The following WFDC13 variants were observed in gnomAD, a reference collection of about 807,000 sequenced individuals.
The protein encoded by WFDC13 is WAP four-disulfide core domain 13.
Under a neutral mutation model 10.9 loss-of-function variants are expected in WFDC13, and 6 were observed. The ratio of observed to expected loss-of-function variants is 0.55; its 90% confidence interval spans 0.30 to 1.09. WFDC13 has a LOEUF of 1.09. Among genes scored for constraint, WFDC13 ranks in the 50% least tolerant of loss-of-function variants. The pLI is 0.06. For missense variants in WFDC13, 104 were observed against 109.6 expected (o/e 0.95, Z 0.23); for synonymous variants, 38 against 39.5 (o/e 0.96, Z 0.14).
chr20:45,706,901 C>T (rs930379919), intron 3 of WFDC13, among the ~76,000 whole-genome samples: 6 of 152,314 alleles, frequency 3.9e-5, no homozygotes, highest in African/African-American at 1.2e-4. Context: ...TGGTGGATTT[C>T]GTTTCAGAGT....
At position 45,704,370 on chromosome 20, in the gene WFDC13, C is replaced by T. The variant is rs1035705697; in HGVS notation, c.89-74C>T. The T allele has an allele frequency of 8.5e-6, 13 of 1,535,680 alleles. No individual in the cohort carries two copies. In the Admixed American group the frequency reaches 2.6e-4, roughly 31 times the overall value. ...AGGGTGGCAGGTTTCCTGGCAGTTC[C>T]CTGGGCTTTCTGAGTTCTGAACATT... On this transcript the variant is annotated intron_variant, in intron 1 of 3. Transcript: ENST00000305479.
intron 2 of WFDC13, chr20:45,705,185 T>C: frequency 3.5e-6 from 2 of 574,062 alleles, no homozygotes; most frequent in Non-Finnish European, 6.2e-6. Flanking sequence ...TGACCTTGAG[T>C]AAGACAATTC....
chr20:45,705,987 C>T (rs1984375263), intron 3 of WFDC13, 60 bp downstream of exon 3: 17 of 1,448,322 alleles, frequency 1.2e-5, no homozygotes, highest in Non-Finnish European at 1.5e-5. Context: ...TGCTCACTTT[C>T]TTCCTGTAGC....
chr20:45,704,064 C>G (rs1002938814), intron 1 of WFDC13, among the ~76,000 whole-genome samples: 3 of 152,210 alleles, frequency 2.0e-5, no homozygotes, highest in Non-Finnish European at 4.4e-5. Context: ...CTACAACTTG[C>G]TCAAGACCAC....
intron 1 of WFDC13, 61 bp from the exon 2 acceptor site, chr20:45,704,383 A>G: frequency 6.5e-7 from 1 of 1,546,072 alleles, no homozygotes; most frequent in Non-Finnish European, 8.7e-7. Context: ...GGGCTTTCTG[A>G]GTTCTGAACA....
intron 2 of WFDC13, chr20:45,704,954 C>G: frequency 1.2e-6 from 2 of 1,614,142 alleles, no homozygotes; most frequent in Non-Finnish European, 1.7e-6. Flanking sequence ...CAAAATTTGT[C>G]CTACACTTTT....
Position 45,704,727 on chromosome 20 carries a change from C to T in WFDC13, c.239+133C>T, listed in dbSNP as rs540839245. 256 of 1,408,514 alleles carry T rather than the reference C, an allele frequency of 1.8e-4. 1 individual carries two copies. Among genetic ancestry groups the T allele is most frequent in the Admixed American group, 1.3e-3 (59 of 46,516 alleles). The allele number at this position is 1,408,514 out of a possible 1,614,324, so 87.3% of individuals were successfully genotyped here. On this transcript the variant is annotated intron_variant, in intron 2 of 3. Transcript: ENST00000305479. ...CCTTGGTGGCCATGTTGCCAACATGCCCCTTCTCTTGACCAAGGATAATTT... is the reference window on the plus strand; with the variant it reads ...CCTTGGTGGCCATGTTGCCAACATGTCCCTTCTCTTGACCAAGGATAATTT...
chr20:45,704,914 G>T, intron 2 of WFDC13: 1 of 1,613,876 alleles, frequency 6.2e-7, no homozygotes, highest in South Asian at 1.1e-5. Flanking sequence ...CAGGGACACT[G>T]TACCTGCAGG....
In WFDC13 at chr20:45,705,947, C is replaced by T. The variant is rs1293406531; in HGVS notation, c.*22+20C>T. ...CATTTTGTAAGTACAGGGATTTGGT[C>T]TCGCCTTCCTCATGTGAGATTCCCA... On this transcript the variant is annotated intron_variant, in intron 3 of 3. Transcript: ENST00000305479. 6.2e-7 allele frequency: 1 copy of T among 1,604,800 alleles called. No homozygotes were observed.
rs1341184620 is a variant in WFDC13, at chr20:45,708,008, C to T, written c.*173C>T. On this transcript the variant is annotated 3_prime_UTR_variant, in exon 4 of 4. Coordinates refer to ENST00000305479, the MANE Select transcript of WFDC13 (RefSeq NM_172005.2). ...TCTTGAAGCTTAAGCTTTAGGTCAA[C>T]ACTTGCAAGAGCCCCTTCCAAAGCT... The T allele has an allele frequency of 1.3e-5, 2 of 152,170 alleles. No homozygotes were observed. The highest frequency in any genetic ancestry group is 1.9e-4 in the East Asian group (1 of 5,196). 9.4% of individuals were successfully genotyped at this position (152,170 alleles called of 1,614,324 possible).
chr20:45,704,290 C>T lies in WFDC13; in HGVS notation c.89-154C>T, dbSNP rs542027551. On this transcript the variant is annotated intron_variant, in intron 1 of 3. Coordinates refer to ENST00000305479, the MANE Select transcript of WFDC13 (RefSeq NM_172005.2). ...TCCCTGCTCAGAACTCAGAGGAAGG[C>T]AGCAGCTGAGGACAAAACCTGATGC... Among the ~76,000 whole-genome samples, 23 of 152,270 alleles carry T rather than the reference C, an allele frequency of 1.5e-4. No individual in the cohort carries two copies. The South Asian group carries it at 1.7e-3, about 11-fold the overall frequency.
At chr20:45,705,023 G>A (rs768124295) in intron 2 of WFDC13, 1 of 1,607,814 alleles carries the variant, frequency 6.2e-7, no homozygotes, top group Non-Finnish European at 8.5e-7. Flanking sequence ...GGGCTCTGGA[G>A]ATCCAGCCCA....
chr20:45,707,189 C>A (rs1984429493), intron 3 of WFDC13, among the ~76,000 whole-genome samples: 1 of 152,224 alleles, frequency 6.6e-6, no homozygotes, highest in African/African-American at 2.4e-5. Context: ...CCAGTTCACT[C>A]CAGACAGAAT....
At chr20:45,704,353 A>C in intron 1 of WFDC13, 91 bp from the exon 2 acceptor site, 2 of 1,506,816 alleles carry the variant, frequency 1.3e-6, no homozygotes, top group South Asian at 2.7e-5. Context: ...TGAGGGTGGC[A>C]GGTTTCCTGG....
rs769373835 is a variant in WFDC13, at chr20:45,708,099, G to A, written c.*264G>A. On this transcript the variant is annotated 3_prime_UTR_variant, in exon 4 of 4. Transcript: ENST00000305479. ...CCCCACTTTGGCATAGAGACAAGCA[G>A]CACTGTTCCAGTCCAGGGATGCTGT... 4.6e-5 allele frequency: 7 copies of A among 152,226 alleles called. No individual in the cohort carries two copies. The highest frequency in any genetic ancestry group is 8.8e-5 in the Non-Finnish European group (6 of 68,076). 9.4% of individuals were successfully genotyped at this position (152,226 alleles called of 1,614,324 possible). A position where few individuals can be genotyped will look rare whatever the true frequency, so the allele number is the denominator to read the frequency against.
In WFDC13 at chr20:45,704,520, C is replaced by T. The variant is rs757477429; in HGVS notation, c.165C>T (p.Cys55=). The change falls in exon 2 of 4, where the codon TGC becomes TGT. Residue 55 remains cysteine (C), a synonymous_variant. Transcript: ENST00000305479. The part of the protein sequence containing the change: ...CTHLCTMQED[C]EKGFQCCSSF... ...ACCTGTGTACAATGCAGGAAGATTG[C>T]GAGAAAGGATTTCAGTGCTGTTCCT... The T allele has an allele frequency of 6.2e-6, 10 of 1,614,124 alleles. No homozygotes were observed. The highest frequency in any genetic ancestry group is 4.5e-5 in the East Asian group (2 of 44,884).
rs749266178 is a variant in WFDC13, at chr20:45,705,881, A to G, written c.258A>G (p.Ser86=). The part of the protein sequence containing the change: ...QKRNRIKHKG[S]EVIMPAN ...TCTACAGAATCAAACACAAGGGCTC[A>G]GAAGTCATCATGCCTGCCAACTGAG... Residue 86 remains serine (S), a synonymous_variant, in exon 3 of 4, where the codon TCA becomes TCG. Coordinates refer to ENST00000305479, the MANE Select transcript of WFDC13 (RefSeq NM_172005.2). 1 of 1,614,084 alleles carries G rather than the reference A, an allele frequency of 6.2e-7. No individual in the cohort carries two copies. The highest frequency in any genetic ancestry group is 8.5e-7 in the Non-Finnish European group (1 of 1,179,988).
At chr20:45,702,623 C>T (rs943183142) in intron 1 of WFDC13, among the ~76,000 whole-genome samples, 4 of 152,202 alleles carry the variant, frequency 2.6e-5, no homozygotes, top group African/African-American at 7.2e-5. Context: ...TGGTAGAACT[C>T]AAGCTAGAAT....
At chr20:45,704,687 C>CT (rs11361717) in intron 2 of WFDC13, 93 bp downstream of exon 2, 65,877 of 1,295,478 alleles carry the variant, frequency 0.051, no homozygotes, top group Non-Finnish European at 0.059. Context: ...TGGATCTCTC[C>CT]TTTTTTTTTT....
Sources: gnomAD v4.1 joint callset for allele counts (sites outside exome capture counted in the v4.1 genomes callset) on GRCh38, gnomAD v4.1.1 for gene constraint, MANE v1.5 for transcripts, NCBI Gene and HGNC (gene_info 2026-07-23, HGNC 2026-07-21) for gene names.